WNK2: variants seen among roughly 807,000 people sequenced by gnomAD.
WNK2 encodes WNK lysine deficient protein kinase 2.
WNK2 carries 67 observed loss-of-function variants against 192.1 expected under a neutral mutation model. That is an observed-to-expected ratio of 0.35 (90% CI 0.29 to 0.43). WNK2 has a LOEUF of 0.43. WNK2 is among the 20% of genes least tolerant of loss of function. The probability of loss-of-function intolerance (pLI) is 1.00; values close to 1 mark genes in which losing one functional copy is unlikely to be tolerated. For synonymous variants in WNK2, 1,439 were observed against 1,393.9 expected (o/e 1.03, Z -0.72); for missense variants, 2,698 against 3,089.7 (o/e 0.87, Z 3.01).
chr9:93,269,839 T>TA (rs950590053), intron 19 of WNK2, among the ~76,000 whole-genome samples: 2 of 151,858 alleles, frequency 1.3e-5, no homozygotes, highest in Non-Finnish European at 2.9e-5. Context: ...TTTTTCTATT[T>TA]AAAAAAAAGG....
intron 3 of WNK2, among the ~76,000 whole-genome samples, chr9:93,230,368 G>A (rs184066331): frequency 1.5e-3 from 228 of 152,280 alleles, no homozygotes; most frequent in Non-Finnish European, 1.4e-3. Flanking sequence ...GGCAGTTTCC[G>A]TCATAGGTGG....
chr9:93,208,214 C>T lies in WNK2; in HGVS notation c.682-21482C>T, dbSNP rs574540752. Among the ~76,000 whole-genome samples, 7 of 152,318 alleles carry T rather than the reference C, an allele frequency of 4.6e-5. No individual in the cohort carries two copies. In the East Asian group the frequency reaches 1.3e-3, roughly 29 times the overall value. ...AGATGGGTGTCCCTTGTTACACCAC[C>T]GTGCTGGAACTGGACGTTTCCACTG... On this transcript the variant is annotated intron_variant, in intron 2 of 29. Transcript: ENST00000427277.
At chr9:93,215,361 C>T (rs956451718) in intron 2 of WNK2, among the ~76,000 whole-genome samples, 23 of 152,244 alleles carry the variant, frequency 1.5e-4, no homozygotes, top group African/African-American at 3.1e-4. Context: ...CCACCCACCT[C>T]GGCCTCCCAT....
rs567198165 is a variant in WNK2 at position 93,317,509 on chromosome 9, G to C, written c.6517-11G>C. ...CGTGTACCTTCCTCTTCTCGTCTCT[G>C]TGTTTTGTAGATGACCGCACCTCGA... On this transcript the variant is annotated splice_polypyrimidine_tract_variant and intron_variant, in intron 28 of 29. Transcript: ENST00000427277. 9.3e-6 allele frequency: 15 copies of C among 1,613,422 alleles called. No homozygotes were observed. The African/African-American group carries it at 1.5e-4, about 16-fold the overall frequency.
At chr9:93,271,376 A>G (rs867514962) in intron 19 of WNK2, among the ~76,000 whole-genome samples, 4 of 152,392 alleles carry the variant, frequency 2.6e-5, no homozygotes, top group Middle Eastern at 3.4e-3. Context: ...TATCAAATGA[A>G]AAGCCATGAA....
intron 19 of WNK2, among the ~76,000 whole-genome samples, chr9:93,277,655 A>G (rs931832341): frequency 2.0e-5 from 3 of 152,184 alleles, no homozygotes; most frequent in Non-Finnish European, 4.4e-5. Flanking sequence ...ATGATAAGGA[A>G]CAGGGTCAGT....
chr9:93,248,397 G>A (rs140397906), intron 8 of WNK2, among the ~76,000 whole-genome samples: 104 of 152,382 alleles, frequency 6.8e-4, no homozygotes, highest in African/African-American at 2.4e-3. Flanking sequence ...GGGTCTGGTG[G>A]AGCCAGTTCA....
chr9:93,194,760 T>A (rs1379214547), intron 2 of WNK2, among the ~76,000 whole-genome samples: 1 of 152,236 alleles, frequency 6.6e-6, no homozygotes, highest in Admixed American at 6.5e-5. Context: ...CACACGGATG[T>A]TTATAGCAGC....
In WNK2 at chr9:93,290,036, C is replaced by A; in HGVS notation, c.4925C>A (p.Ser1642Ter). 1 of 1,572,752 alleles carries A rather than the reference C, an allele frequency of 6.4e-7. No homozygotes were observed. Among genetic ancestry groups the A allele is most frequent in the South Asian group, 1.2e-5 (1 of 85,614 alleles). ...GCCGTGATGGAGCAGGGCACGTCCT[C>A]GTCAATGACAGGTAACAGCTTCCTG... The part of the protein sequence containing the change: ...RGAVMEQGTS[S>*]SMTAESSPRS... Residue 1642 changes from serine to a stop codon, truncating the protein, a stop_gained, in exon 21 of 30, where the codon TCG (serine) becomes TAG (stop). Coordinates refer to ENST00000427277, the MANE Select transcript of WNK2 (RefSeq NM_006648.4). LOFTEE classifies it high-confidence loss of function.
At chr9:93,231,184 G>A (rs1838731654) in intron 4 of WNK2, 76 bp downstream of exon 4, 1 of 1,435,636 alleles carries the variant, frequency 7.0e-7, no homozygotes, top group Non-Finnish European at 9.7e-7. Context: ...CGAGCATCCA[G>A]TTTTGTTCAG....
chr9:93,251,753 C>G (rs929368022), intron 8 of WNK2, among the ~76,000 whole-genome samples: 3 of 152,288 alleles, frequency 2.0e-5, no homozygotes, highest in South Asian at 4.1e-4. Context: ...TAGAATTGCT[C>G]TACTTGAAAC....
chr9:93,191,092 T>G (rs1341270085), intron 2 of WNK2, among the ~76,000 whole-genome samples: 2 of 151,888 alleles, frequency 1.3e-5, no homozygotes, highest in Admixed American at 6.6e-5. Context: ...GTGCCACGAC[T>G]GTGTCAGGCT....
chr9:93,251,235 C>A (rs1842554753), intron 8 of WNK2, among the ~76,000 whole-genome samples: 9 of 152,144 alleles, frequency 5.9e-5, no homozygotes, highest in Admixed American at 5.9e-4. Flanking sequence ...CCTGCCTCAG[C>A]CTCCTGAGTA....
chr9:93,289,669 A>C, intron 20 of WNK2, 49 bp downstream of exon 20: 2 of 1,417,998 alleles, frequency 1.4e-6, no homozygotes, highest in East Asian at 2.5e-5. Context: ...CAGGGGCCGG[A>C]GCCCGGGCGC....
chr9:93,226,026 G>A (rs1349572845), intron 2 of WNK2, among the ~76,000 whole-genome samples: 1 of 152,190 alleles, frequency 6.6e-6, no homozygotes, highest in Non-Finnish European at 1.5e-5. Context: ...TTCAGCTCCT[G>A]CATGTCTGAA....
chr9:93,287,505 C>T (rs539969096), intron 19 of WNK2, among the ~76,000 whole-genome samples: 38 of 152,262 alleles, frequency 2.5e-4, no homozygotes, highest in African/African-American at 8.7e-4. Context: ...AGGCCAGGCA[C>T]CACAGAATAG....
At position 93,289,213 on chromosome 9, in the gene WNK2, G is replaced by A. The variant is rs757583408; in HGVS notation, c.4459G>A (p.Gly1487Arg). The change falls in exon 20 of 30, where the codon GGG (glycine) becomes AGG (arginine). Residue 1487 changes from glycine to arginine, a missense_variant. Transcript: ENST00000427277. The stretch of plus-strand genomic sequence containing the variant: ...TGCACCTGAGCCCAGCCCCCACAGC[G>A]GGACCCCACAGCCCGCCTTGGGTCA... Reference protein sequence around the residue: ...PPAPEPSPHSGTPQPALGQPA... With the variant: ...PPAPEPSPHSRTPQPALGQPA... 5.6e-6 allele frequency: 9 copies of A among 1,604,148 alleles called. No homozygotes were observed. The highest frequency in any genetic ancestry group is 1.3e-5 in the African/African-American group (1 of 74,978).
chr9:93,205,838 C>T (rs1446772357), intron 2 of WNK2, among the ~76,000 whole-genome samples: 6 of 152,096 alleles, frequency 3.9e-5, no homozygotes, highest in Non-Finnish European at 5.9e-5. Context: ...GGGACACTGG[C>T]TCTGTGTGAC....
In WNK2 at chr9:93,185,574, G is replaced by C; in HGVS notation, c.645G>C (p.Thr215=). Reference sequence around the variant, plus strand: ...AGACGGTCTACAAGGGGCTGGACACGGAGACCTGGGTGGAGGTGGCCTGGT... The same window carrying C: ...AGACGGTCTACAAGGGGCTGGACACCGAGACCTGGGTGGAGGTGGCCTGGT... ...SFKTVYKGLD[T]ETWVEVAWCE... Residue 215 remains threonine (T), a synonymous_variant, in exon 2 of 30, where the codon ACG becomes ACC. Transcript: ENST00000427277. 1 of 1,612,440 alleles carries C rather than the reference G, an allele frequency of 6.2e-7. No individual in the cohort carries two copies. Among genetic ancestry groups the C allele is most frequent in the Non-Finnish European group, 8.5e-7 (1 of 1,179,368 alleles).
Sources: allele counts gnomAD v4.1 joint callset (sites outside exome capture counted in the v4.1 genomes callset), GRCh38; gene constraint gnomAD v4.1.1; transcripts MANE v1.5; gene names NCBI Gene and HGNC (gene_info 2026-07-23, HGNC 2026-07-21).